The following RYR3 variants were observed in gnomAD, a reference collection of about 807,000 sequenced individuals.
RYR3 encodes brain ryanodine receptor-calcium release channel.
Under a neutral mutation model 584.3 loss-of-function variants are expected in RYR3, and 207 were observed. The ratio of observed to expected loss-of-function variants is 0.35; its 90% confidence interval spans 0.32 to 0.40. RYR3 has a LOEUF of 0.40. RYR3 is among the 10% of genes least tolerant of loss of function. The pLI is 1.00. For missense variants in RYR3, 5,616 were observed against 6,089.2 expected, an observed-to-expected ratio of 0.92 and a Z score of 2.59; for synonymous variants, 2,416 against 2,248.5, an observed-to-expected ratio of 1.07 and a Z score of -2.11.
intron 12 of RYR3, among the ~76,000 whole-genome samples, chr15:33,578,302 G>C (rs570070138): frequency 1.3e-5 from 2 of 152,126 alleles, no homozygotes; most frequent in Non-Finnish European, 2.9e-5. Flanking sequence ...AAAGATACAG[G>C]TACACATATG....
rs566988071 is a variant in RYR3, at chr15:33,858,129, C to T, written c.14142+215C>T. On this transcript the variant is annotated intron_variant, in intron 99 of 103. Coordinates refer to ENST00000634891, the MANE Select transcript of RYR3 (RefSeq NM_001036.6). ...GATGGAGGTAGTTTTCATTACCACA[C>T]ATCTAAGCCCCGTGGAAAGGGAAGC... 3.8e-4 allele frequency: 230 copies of T among 607,408 alleles called. No individual in the cohort carries two copies. In the African/African-American group the frequency reaches 3.9e-3, roughly 10 times the overall value. 37.6% of individuals were successfully genotyped at this position (607,408 alleles called of 1,614,324 possible). A position where few individuals can be genotyped will look rare whatever the true frequency, so the allele number is the denominator to read the frequency against.
In RYR3 at chr15:33,548,064, C is replaced by A; in HGVS notation, c.741-66C>A. ...GTACCTGAACAGCCTCTGCAGGGAG[C>A]TGTTCTTCACCCGGGTGCTGATCAG... On this transcript the variant is annotated intron_variant, in intron 8 of 103. Transcript: ENST00000634891. The A allele has an allele frequency of 2.2e-5, 25 of 1,134,522 alleles. No individual in the cohort carries two copies. The South Asian group carries it at 3.1e-4, about 14-fold the overall frequency. 70.3% of individuals were successfully genotyped at this position (1,134,522 alleles called of 1,614,324 possible). A position where few individuals can be genotyped will look rare whatever the true frequency, so the allele number is the denominator to read the frequency against.
chr15:33,350,472 AC>A (rs1973095864), intron 1 of RYR3, among the ~76,000 whole-genome samples: 1 of 151,626 alleles, frequency 6.6e-6, no homozygotes. Context: ...TTTCAGCACC[AC>A]ACCACACCTA....
At chr15:33,568,023 T>C (rs2057809335) in intron 12 of RYR3, among the ~76,000 whole-genome samples, 1 of 152,194 alleles carries the variant, frequency 6.6e-6, no homozygotes, top group Non-Finnish European at 1.5e-5. Context: ...TAGGTGATTG[T>C]AACATCAACC....
At chr15:33,714,937 C>T (rs1414608400) in intron 43 of RYR3, among the ~76,000 whole-genome samples, 1 of 152,214 alleles carries the variant, frequency 6.6e-6, no homozygotes, top group East Asian at 1.9e-4. Flanking sequence ...ATCAACCACA[C>T]CTACCTACAT....
intron 17 of RYR3, 51 bp downstream of exon 17, chr15:33,601,603 G>T: frequency 6.2e-7 from 1 of 1,602,768 alleles, no homozygotes; most frequent in Non-Finnish European, 8.5e-7. Flanking sequence ...TGCCTGTCTT[G>T]TCCCCAAGCA....
At chr15:33,525,010 A>G (rs1287710764) in intron 3 of RYR3, among the ~76,000 whole-genome samples, 4 of 152,220 alleles carry the variant, frequency 2.6e-5, no homozygotes, top group East Asian at 1.9e-4. Context: ...GCATCAAAGC[A>G]TGGATAAATA....
intron 16 of RYR3, among the ~76,000 whole-genome samples, chr15:33,595,530 A>T (rs931818668): frequency 5.3e-5 from 8 of 152,238 alleles, no homozygotes; most frequent in Admixed American, 5.2e-4. Context: ...AAATTGGCCC[A>T]CCTTACAATC....
intron 34 of RYR3, 48 bp from the exon 35 acceptor site, chr15:33,662,105 G>T: frequency 6.9e-7 from 1 of 1,457,902 alleles, no homozygotes; most frequent in Non-Finnish European, 9.2e-7. Context: ...CTGGATTCTG[G>T]TGGGTTCTTC....
At chr15:33,543,538 C>A (rs1381764968) in intron 7 of RYR3, 84 bp from the exon 8 acceptor site, 11 of 874,840 alleles carry the variant, frequency 1.3e-5, no homozygotes, top group Non-Finnish European at 2.2e-5. Flanking sequence ...CTGGCTCAGA[C>A]CTGTGTGAAT....
At chr15:33,471,629 T>G (rs2048940489) in intron 1 of RYR3, among the ~76,000 whole-genome samples, 1 of 152,046 alleles carries the variant, frequency 6.6e-6, no homozygotes, top group Admixed American at 6.6e-5. Context: ...ATTACACTTC[T>G]TTGATTTCTA....
intron 20 of RYR3, among the ~76,000 whole-genome samples, chr15:33,628,257 A>G (rs1225807410): frequency 6.6e-6 from 1 of 152,084 alleles, no homozygotes; most frequent in Non-Finnish European, 1.5e-5. Context: ...GAAAAGACTA[A>G]GAGGCAATGG....
intron 3 of RYR3, among the ~76,000 whole-genome samples, chr15:33,512,439 A>G (rs929310393): frequency 8.5e-5 from 13 of 152,342 alleles, no homozygotes; most frequent in African/African-American, 3.1e-4. Context: ...GAAAGAGCCC[A>G]CAGAATAGAT....
chr15:33,800,937 A>T, intron 68 of RYR3, 80 bp downstream of exon 68: 8 of 1,031,620 alleles, frequency 7.8e-6, no homozygotes, highest in African/African-American at 1.6e-5. Context: ...AAAAAAAGCC[A>T]ACAGTAAAAT....
intron 72 of RYR3, among the ~76,000 whole-genome samples, chr15:33,811,624 C>CAAAG (rs1483840306): frequency 2.6e-5 from 4 of 151,764 alleles, no homozygotes; most frequent in African/African-American, 7.3e-5. Context: ...AAGAGGATTA[C>CAAAG]AAAGAGGATA....
intron 1 of RYR3, among the ~76,000 whole-genome samples, chr15:33,435,275 A>G (rs185229044): frequency 2.0e-5 from 3 of 152,282 alleles, no homozygotes; most frequent in Non-Finnish European, 2.9e-5. Context: ...TCTGATAATT[A>G]TAATTTTTAT....
intron 1 of RYR3, among the ~76,000 whole-genome samples, chr15:33,341,231 G>A (rs1241151686): frequency 1.3e-5 from 2 of 152,084 alleles, no homozygotes. Flanking sequence ...TAGAGACAGG[G>A]CTTCACCATG....
intron 1 of RYR3, among the ~76,000 whole-genome samples, chr15:33,438,701 A>G (rs935032531): frequency 2.0e-5 from 3 of 152,226 alleles, no homozygotes; most frequent in Non-Finnish European, 4.4e-5. Context: ...CTTTTCCACA[A>G]TATCTTTTTT....
At chr15:33,498,134 C>G (rs1180116144) in intron 2 of RYR3, among the ~76,000 whole-genome samples, 1 of 152,092 alleles carries the variant, frequency 6.6e-6, no homozygotes, top group East Asian at 1.9e-4. Flanking sequence ...CAGATTGATT[C>G]CATATCTTTG....
Sources: allele counts gnomAD v4.1 joint callset (sites outside exome capture counted in the v4.1 genomes callset), GRCh38; gene constraint gnomAD v4.1.1; transcripts MANE v1.5; gene names NCBI Gene and HGNC (gene_info 2026-07-23, HGNC 2026-07-21).